SSH2: variants seen among roughly 807,000 people sequenced by gnomAD.
The protein encoded by SSH2 is slingshot protein phosphatase 2.
A neutral mutation model predicts 135.2 loss-of-function variants in SSH2; 37 were observed. The observed-to-expected ratio is 0.27, with a 90% CI of 0.21 to 0.36. The LOEUF (loss-of-function observed/expected upper bound fraction) is 0.36. SSH2 is among the 10% of genes least tolerant of loss of function. The probability of loss-of-function intolerance (pLI) is 1.00; values close to 1 mark genes in which losing one functional copy is unlikely to be tolerated. For missense variants in SSH2, 1,408 were observed against 1,765.3 expected, an observed-to-expected ratio of 0.80 and a Z score of 3.63; for synonymous variants, 628 against 646.2, an observed-to-expected ratio of 0.97 and a Z score of 0.43.
intron 3 of SSH2, among the ~76,000 whole-genome samples, chr17:29,758,754 ATT>A (rs1168325187): frequency 6.6e-6 from 1 of 152,086 alleles, no homozygotes; most frequent in African/African-American, 2.4e-5. Flanking sequence ...TTATTTTATT[ATT>A]ATTATTTAAA....
At chr17:29,642,795 C>T (rs1234409921) in intron 14 of SSH2, among the ~76,000 whole-genome samples, 1 of 152,186 alleles carries the variant, frequency 6.6e-6, no homozygotes, top group Non-Finnish European at 1.5e-5. Context: ...CTGATTAAGA[C>T]TGTAACCAAT....
chr17:29,735,564 G>A (rs780963504), intron 3 of SSH2, among the ~76,000 whole-genome samples: 1 of 151,812 alleles, frequency 6.6e-6, no homozygotes, highest in Non-Finnish European at 1.5e-5. Flanking sequence ...GGGCATGGTG[G>A]TGCATGCCAG....
At chr17:29,695,426 A>G in intron 5 of SSH2, 33 bp downstream of exon 5, 1 of 1,588,776 alleles carries the variant, frequency 6.3e-7, no homozygotes, top group South Asian at 1.1e-5. Context: ...TAGTCTTTTG[A>G]GGAAGAAAAT....
intron 3 of SSH2, among the ~76,000 whole-genome samples, chr17:29,742,355 G>A (rs2040588774): frequency 6.9e-6 from 1 of 144,022 alleles, no homozygotes; most frequent in South Asian, 2.2e-4. Context: ...TTCTTGCTCT[G>A]TCACTCAGGC....
intron 1 of SSH2, among the ~76,000 whole-genome samples, chr17:29,872,790 G>A (rs1599123384): frequency 6.6e-6 from 1 of 151,942 alleles, no homozygotes; most frequent in East Asian, 1.9e-4. Context: ...GAGTCCAAGA[G>A]TTCGAGACCA....
chr17:29,642,743 G>C (rs1338603050), intron 14 of SSH2, among the ~76,000 whole-genome samples: 1 of 152,146 alleles, frequency 6.6e-6, no homozygotes, highest in Non-Finnish European at 1.5e-5. Flanking sequence ...GGTGCAAAAA[G>C]TCCCTTGTAT....
At chr17:29,929,679 A>T (rs183081051) in intron 1 of SSH2, among the ~76,000 whole-genome samples, 1 of 152,110 alleles carries the variant, frequency 6.6e-6, no homozygotes, top group African/African-American at 2.4e-5. Context: ...TGCTCAAGCC[A>T]TAGGGAGGCA....
intron 2 of SSH2, among the ~76,000 whole-genome samples, chr17:29,840,941 T>C (rs1428448907): frequency 6.6e-6 from 1 of 152,216 alleles, no homozygotes; most frequent in Non-Finnish European, 1.5e-5. Flanking sequence ...AACCTTCAAC[T>C]TGAGCTCTTT....
At chr17:29,829,392 A>C (rs2042799522) in intron 2 of SSH2, among the ~76,000 whole-genome samples, 1 of 152,178 alleles carries the variant, frequency 6.6e-6, no homozygotes, top group South Asian at 2.1e-4. Flanking sequence ...CCTTTTATTA[A>C]GAGCTCCATT....
chr17:29,631,802 CCT>C lies in SSH2; in HGVS notation c.3390_3391del (p.Gly1131GlnfsTer48). On this transcript the variant is annotated frameshift_variant, in exon 16 of 16. Transcript: ENST00000540801. LOFTEE classifies it high-confidence loss of function. Reference sequence around the variant, plus strand: ...CTCCAGGGCTGTGGACAGGCTGCTGCCTCTGTCTTCAGGGCTACTCAGGATGG... The same window carrying C: ...CTCCAGGGCTGTGGACAGGCTGCTGCCTGTCTTCAGGGCTACTCAGGATGG... 6.2e-7 allele frequency: 1 copy of C among 1,614,208 alleles called. No individual in the cohort carries two copies. Among genetic ancestry groups the C allele is most frequent in the Non-Finnish European group, 8.5e-7 (1 of 1,180,044 alleles).
Position 29,648,194 on chromosome 17 carries a change from G to T in SSH2, c.1377C>A (p.Asn459Lys). The T allele has an allele frequency of 6.2e-7, 1 of 1,614,110 alleles. No homozygotes were observed. The highest frequency in any genetic ancestry group is 8.5e-7 in the Non-Finnish European group (1 of 1,180,026). The change falls in exon 14 of 16, where the codon AAC (asparagine) becomes AAA (lysine). Residue 459 changes from asparagine (N) to lysine (K), a missense_variant. Transcript: ENST00000540801. ...CTTCCAGTTGTCTCATGAAGCTTGGGTTGGGCTTGGTTACCGTTCGTCTTT... is the reference window on the plus strand; with the variant it reads ...CTTCCAGTTGTCTCATGAAGCTTGGTTTGGGCTTGGTTACCGTTCGTCTTT... ...VKERRTVTKP[N>K]PSFMRQLEEY... is the part of the protein sequence containing the mutation.
intron 2 of SSH2, among the ~76,000 whole-genome samples, chr17:29,794,580 C>A (rs1167682670): frequency 6.6e-6 from 1 of 152,150 alleles, no homozygotes; most frequent in Non-Finnish European, 1.5e-5. Context: ...TGGTTAATGA[C>A]CCACCCAGGG....
At position 29,631,532 on chromosome 17, in the gene SSH2, T is replaced by G. The variant is rs1478200574; in HGVS notation, c.3662A>C (p.Asp1221Ala). 6.2e-7 allele frequency: 1 copy of G among 1,614,168 alleles called. No individual in the cohort carries two copies. The highest frequency in any genetic ancestry group is 1.7e-5 in the Admixed American group (1 of 60,018). Residue 1221 changes from aspartate (D) to alanine (A), a missense_variant, in exon 16 of 16, where the codon GAC (aspartate) becomes GCC (alanine). This residue lies in a region of SSH2 where 1,080 missense variants were observed against 1,144.5 expected (regional missense o/e 0.94). Transcript: ENST00000540801. The stretch of plus-strand genomic sequence containing the variant: ...TTTCTCCTGTAACTCCCCAGTGTTG[T>G]CACCAAGTTTGCTAATTAAACTTAG... Reference protein sequence around the residue: ...ADLSLISKLGDNTGELQEKMD... With the variant: ...ADLSLISKLGANTGELQEKMD...
intron 2 of SSH2, among the ~76,000 whole-genome samples, chr17:29,799,950 G>A (rs936444202): frequency 1.2e-4 from 18 of 152,160 alleles, no homozygotes; most frequent in Admixed American, 1.2e-3. Flanking sequence ...AACCCAAGAT[G>A]GCAATTCAGA....
chr17:29,716,462 A>T, intron 3 of SSH2: 1 of 691,292 alleles, frequency 1.4e-6, no homozygotes, highest in Non-Finnish European at 2.7e-6. Flanking sequence ...CAACTTGTGT[A>T]CAACAATGCC....
Position 29,630,661 on chromosome 17 carries a change from C to CT in SSH2, c.*179dup. 2.2e-6 allele frequency: 1 copy of CT among 462,206 alleles called. No individual in the cohort carries two copies. 28.6% of individuals were successfully genotyped at this position (462,206 alleles called of 1,614,324 possible). Reference sequence around the variant, plus strand: ...GGTCTTGCCATCCAGATCAATCTCTCTTTCCCCTTACATATACACACACAT... The same window carrying CT: ...GGTCTTGCCATCCAGATCAATCTCTCTTTTCCCCTTACATATACACACACAT... On this transcript the variant is annotated 3_prime_UTR_variant, in exon 16 of 16. Coordinates refer to ENST00000540801, the MANE Select transcript of SSH2 (RefSeq NM_001282129.2).
At chr17:29,884,159 A>G (rs752417859) in intron 1 of SSH2, among the ~76,000 whole-genome samples, 7 of 152,080 alleles carry the variant, frequency 4.6e-5, no homozygotes, top group Non-Finnish European at 8.8e-5. Flanking sequence ...ACTTACCTCA[A>G]TCAGGCTTCT....
At chr17:29,780,074 G>A (rs1004132343) in intron 3 of SSH2, among the ~76,000 whole-genome samples, 30 of 151,636 alleles carry the variant, frequency 2.0e-4, no homozygotes, top group South Asian at 1.5e-3. Flanking sequence ...AAAATTAGCC[G>A]GGCATGATGG....
At chr17:29,708,971 G>A (rs1320790263) in intron 3 of SSH2, among the ~76,000 whole-genome samples, 1 of 126,126 alleles carries the variant, frequency 7.9e-6, no homozygotes, top group Non-Finnish European at 1.6e-5. Context: ...CTCAATAAGG[G>A]GAAAGTCATC....
Sources: allele counts gnomAD v4.1 joint callset (sites outside exome capture counted in the v4.1 genomes callset), GRCh38; gene constraint gnomAD v4.1.1; regional missense constraint gnomAD v4.1.1; transcripts MANE v1.5; gene names NCBI Gene and HGNC (gene_info 2026-07-23, HGNC 2026-07-21).